Variants in DSCAM observed in about 807,000 individuals in gnomAD.
DSCAM encodes the protein cell adhesion molecule DSCAM.
Under a neutral mutation model 217.7 loss-of-function variants are expected in DSCAM, and 47 were observed. The observed-to-expected ratio is 0.22, with a 90% confidence interval of 0.17 to 0.28. DSCAM has a LOEUF of 0.28. Among genes scored for constraint, DSCAM ranks in the 10% least tolerant of loss-of-function variants. DSCAM has a pLI of 1.00. For synonymous variants in DSCAM, 1,056 were observed against 1,015.3 expected, an observed-to-expected ratio of 1.04 and a Z score of -0.76; for missense variants, 2,080 against 2,618.3, an observed-to-expected ratio of 0.79 and a Z score of 4.49.
chr21:40,377,946 T>A (rs1339151422), intron 3 of DSCAM, among the ~76,000 whole-genome samples: 1 of 152,070 alleles, frequency 6.6e-6, no homozygotes, highest in Non-Finnish European at 1.5e-5. Context: ...AATAAGAACA[T>A]CCATGTAAGA....
chr21:40,551,625 C>T (rs77130112), intron 3 of DSCAM, among the ~76,000 whole-genome samples: 5,351 of 152,218 alleles, frequency 0.035, 320 homozygotes, highest in African/African-American at 0.12. Flanking sequence ...CCACAAAAGA[C>T]AGCTTTGCAG....
Position 40,055,762 on chromosome 21 carries a change from C to T in DSCAM, c.4998G>A (p.Gln1666=), listed in dbSNP as rs1568916571. The change falls in exon 29 of 33, where the codon CAG becomes CAA. Residue 1666 remains glutamine, a synonymous_variant. Coordinates refer to ENST00000400454, the MANE Select transcript of DSCAM (RefSeq NM_001389.5). ...LRMHIDIPRA[Q]LLIEERDTME... ...TCGTGTCTCTCTCTTCAATCAAAAG[C>T]TGAGCCCTGGGTATGTCGATGTGCA... 6.2e-7 allele frequency: 1 copy of T among 1,613,586 alleles called. No homozygotes were observed. Among genetic ancestry groups the T allele is most frequent in the Non-Finnish European group, 8.5e-7 (1 of 1,179,546 alleles).
intron 3 of DSCAM, among the ~76,000 whole-genome samples, chr21:40,671,833 G>A (rs1007395561): frequency 3.9e-5 from 6 of 152,132 alleles, no homozygotes; most frequent in African/African-American, 1.4e-4. Context: ...TAAGACAGCA[G>A]TTCTCCAAGA....
chr21:40,638,565 G>A lies in DSCAM; in HGVS notation c.508+54245C>T, dbSNP rs140563409. On this transcript the variant is annotated intron_variant, in intron 3 of 32. Coordinates refer to ENST00000400454, the MANE Select transcript of DSCAM (RefSeq NM_001389.5). ...AGACAGTCACAATTCTGTGCAAGCAGTCAGGGTTAATTCAGATCGTTTCCT... is the reference window on the plus strand; with the variant it reads ...AGACAGTCACAATTCTGTGCAAGCAATCAGGGTTAATTCAGATCGTTTCCT... 6.0e-3 allele frequency among the ~76,000 whole-genome samples: 909 copies of A among 152,294 alleles called. 11 individuals carry two copies. The highest frequency in any genetic ancestry group is 9.0e-3 in the Non-Finnish European group (612 of 68,028).
chr21:40,566,293 A>C (rs1008887492), intron 3 of DSCAM, among the ~76,000 whole-genome samples: 90 of 152,272 alleles, frequency 5.9e-4, no homozygotes, highest in African/African-American at 2.0e-3. Context: ...GGCCTGAAAC[A>C]TGCTTACCAG....
intron 1 of DSCAM, among the ~76,000 whole-genome samples, chr21:40,752,412 C>T (rs1012108847): frequency 2.0e-5 from 3 of 152,152 alleles, no homozygotes; most frequent in Non-Finnish European, 4.4e-5. Flanking sequence ...GCAGGGACCA[C>T]GTTTAATGCT....
intron 3 of DSCAM, among the ~76,000 whole-genome samples, chr21:40,563,438 G>T (rs1376029001): frequency 6.8e-6 from 1 of 147,258 alleles, no homozygotes; most frequent in East Asian, 2.0e-4. Context: ...CCAGATCAAT[G>T]ATAATACTAT....
intron 1 of DSCAM, among the ~76,000 whole-genome samples, chr21:40,828,181 C>T (rs989821313): frequency 3.3e-5 from 5 of 151,988 alleles, no homozygotes; most frequent in African/African-American, 1.2e-4. Flanking sequence ...GGCGGGGGGA[C>T]TGTTTGAGCC....
intron 3 of DSCAM, among the ~76,000 whole-genome samples, chr21:40,619,794 C>G (rs1178290217): frequency 6.9e-6 from 1 of 145,386 alleles, no homozygotes; most frequent in Non-Finnish European, 1.5e-5. Flanking sequence ...AGAGCCCAGT[C>G]AAAAGATTTG....
chr21:40,572,085 GGTGTGTGTGTGT>G (rs10553285), intron 3 of DSCAM, among the ~76,000 whole-genome samples: 29 of 148,628 alleles, frequency 2.0e-4, no homozygotes, highest in African/African-American at 4.4e-4. Context: ...TGTGTGTGTG[GGTGTGTGTGTGT>G]GTGTGTGTGT....
Position 40,369,091 on chromosome 21 carries a change from G to GT in DSCAM, c.655+7dup. 1 of 1,605,028 alleles carries GT rather than the reference G, an allele frequency of 6.2e-7. No individual in the cohort carries two copies. The highest frequency in any genetic ancestry group is 1.7e-4 in the Middle Eastern group (1 of 6,024). ...GACATAGCAGACAGAGTCTTGATAA[G>GT]TTTTTACCTGATACAAAAAGTCTGG... On this transcript the variant is annotated splice_region_variant and intron_variant, in intron 4 of 32. Coordinates refer to ENST00000400454, the MANE Select transcript of DSCAM (RefSeq NM_001389.5).
At chr21:40,764,378 T>C (rs1229608501) in intron 1 of DSCAM, among the ~76,000 whole-genome samples, 1 of 148,342 alleles carries the variant, frequency 6.7e-6, no homozygotes, top group African/African-American at 2.5e-5. Context: ...ATTAGAGAAA[T>C]GCAAATCAAA....
At chr21:40,546,274 TGTG>T (rs2076581661) in intron 3 of DSCAM, among the ~76,000 whole-genome samples, 1 of 152,210 alleles carries the variant, frequency 6.6e-6, no homozygotes, top group African/African-American at 2.4e-5. Flanking sequence ...TCAGGGTAGC[TGTG>T]AGCAGCATTT....
chr21:40,173,809 A>G (rs1220406588), intron 15 of DSCAM, among the ~76,000 whole-genome samples: 1 of 152,164 alleles, frequency 6.6e-6, no homozygotes, highest in Non-Finnish European at 1.5e-5. Flanking sequence ...TTGGAAACCC[A>G]GTGACTCTGC....
rs150808475 is a variant in DSCAM at position 40,661,292 on chromosome 21, A to T, written c.508+31518T>A. Among the ~76,000 whole-genome samples, 445 of 152,340 alleles carry T rather than the reference A, an allele frequency of 2.9e-3. 5 individuals are homozygous for T. The highest frequency in any genetic ancestry group is 6.9e-3 in the African/African-American group (287 of 41,578). On this transcript the variant is annotated intron_variant, in intron 3 of 32. Coordinates refer to ENST00000400454, the MANE Select transcript of DSCAM (RefSeq NM_001389.5). Reference sequence around the variant, plus strand: ...GTGAGTGGGACCTCAATTCTATCTAACACTCGTATTCATAAAAAAAGGAAT... The same window carrying T: ...GTGAGTGGGACCTCAATTCTATCTATCACTCGTATTCATAAAAAAAGGAAT...
At chr21:40,440,141 T>C (rs2075618142) in intron 3 of DSCAM, among the ~76,000 whole-genome samples, 1 of 152,222 alleles carries the variant, frequency 6.6e-6, no homozygotes, top group Admixed American at 6.5e-5. Flanking sequence ...TGAGATAGCA[T>C]TTGGGTGATC....
chr21:40,403,339 C>A (rs931064377), intron 3 of DSCAM, among the ~76,000 whole-genome samples: 12 of 151,354 alleles, frequency 7.9e-5, no homozygotes, highest in East Asian at 3.9e-4. Flanking sequence ...ACTCTGTCAC[C>A]CAGGCTGGAG....
chr21:40,220,976 G>A (rs1019586515), intron 11 of DSCAM, among the ~76,000 whole-genome samples: 1 of 152,178 alleles, frequency 6.6e-6, no homozygotes, highest in Non-Finnish European at 1.5e-5. Context: ...ACCATCCTAG[G>A]AGGTAGCTTT....
chr21:40,367,860 T>A (rs1247079228), intron 4 of DSCAM, among the ~76,000 whole-genome samples: 1 of 152,172 alleles, frequency 6.6e-6, no homozygotes, highest in Non-Finnish European at 1.5e-5. Context: ...CACTAGGCAA[T>A]CCTAGGACTC....
Sources: allele counts gnomAD v4.1 joint callset (sites outside exome capture counted in the v4.1 genomes callset), GRCh38; gene constraint gnomAD v4.1.1; transcripts MANE v1.5; gene names NCBI Gene and HGNC (gene_info 2026-07-23, HGNC 2026-07-21).